The following PCDHGA2 variants were observed in gnomAD, a reference collection of about 807,000 sequenced individuals.
PCDHGA2 encodes the protein protocadherin gamma subfamily A, 2.
Under a neutral mutation model 59.2 loss-of-function variants are expected in PCDHGA2, and 40 were observed. The ratio of observed to expected loss-of-function variants is 0.68; its 90% confidence interval spans 0.52 to 0.88. The LOEUF (loss-of-function observed/expected upper bound fraction) is 0.88. Ranked by LOEUF, PCDHGA2 falls within the 40% of genes least tolerant of loss-of-function variation. The pLI is 0.00. For missense variants in PCDHGA2, 1,226 were observed against 1,204.0 expected (o/e 1.02, Z -0.27); for synonymous variants, 560 against 526.0 (o/e 1.06, Z -0.89).
At chr5:141,448,305 A>C (rs910461420) in intron 1 of PCDHGA2, among the ~76,000 whole-genome samples, 1 of 152,092 alleles carries the variant, frequency 6.6e-6, no homozygotes, top group East Asian at 1.9e-4. Context: ...TTAATATCTC[A>C]AGGAATCTTT....
rs149553852 is a variant in PCDHGA2 at position 141,415,009 on chromosome 5, C to G, written c.2424+73614C>G. 3.1e-6 allele frequency: 5 copies of G among 1,613,544 alleles called. No homozygotes were observed. The East Asian group carries it at 1.1e-4, about 36-fold the overall frequency. On this transcript the variant is annotated intron_variant, in intron 1 of 3. Transcript: ENST00000394576. The stretch of plus-strand genomic sequence containing the variant: ...CCAGAACGCCTGGCTGTCCTACCGT[C>G]TGCTCAAGGCCAGCGAGCCGGGACT...
At chr5:141,355,278 C>A in intron 1 of PCDHGA2, 1 of 1,613,742 alleles carries the variant, frequency 6.2e-7, no homozygotes, top group Non-Finnish European at 8.5e-7. Flanking sequence ...TGGTGGAAAT[C>A]AGGGCCGAAC....
intron 1 of PCDHGA2, chr5:141,421,290 G>C (rs2096561632): frequency 6.2e-7 from 1 of 1,613,130 alleles, no homozygotes; most frequent in African/African-American, 1.3e-5. Flanking sequence ...GCATTTTCCT[G>C]GGGACGCTGC....
At chr5:141,375,026 T>C in intron 1 of PCDHGA2, 2 of 1,614,030 alleles carry the variant, frequency 1.2e-6, no homozygotes, top group Non-Finnish European at 1.7e-6. Context: ...CTCGAGTTTT[T>C]ATGAGCTGGG....
chr5:141,406,294 G>C (rs1399208737), intron 1 of PCDHGA2, among the ~76,000 whole-genome samples: 1 of 151,910 alleles, frequency 6.6e-6, no homozygotes, highest in East Asian at 1.9e-4. Flanking sequence ...CACTGGGTGA[G>C]GTGTGAACCA....
chr5:141,490,604 A>T lies in PCDHGA2; in HGVS notation c.2425-4203A>T, dbSNP rs749528675. ...GTCAATGACAATGCACCCCGCTTCA[A>T]CCAGCAGCTTTACACTGCTTACATC... On this transcript the variant is annotated intron_variant, in intron 1 of 3. Transcript: ENST00000394576. The surrounding 1 kb of genome is among the most constrained non-coding windows in gnomAD (Gnocchi z 5.4). 6.2e-7 allele frequency: 1 copy of T among 1,614,192 alleles called. No homozygotes were observed. The highest frequency in any genetic ancestry group is 8.5e-7 in the Non-Finnish European group (1 of 1,180,022).
chr5:141,431,194 T>C lies in PCDHGA2; in HGVS notation c.2425-63613T>C. On this transcript the variant is annotated intron_variant, in intron 1 of 3. Coordinates refer to ENST00000394576, the MANE Select transcript of PCDHGA2 (RefSeq NM_018915.4). The surrounding 1 kb of genome is among the most constrained non-coding windows in gnomAD (Gnocchi z 4.8). ...AATTAGAAATAAAAATTAGTGAAAA[T>C]GCAGCCACTGAGATGCGGTTCCCTC... The C allele has an allele frequency of 6.2e-7, 1 of 1,614,124 alleles. No homozygotes were observed.
At chr5:141,387,739 C>T (rs182945836) in intron 1 of PCDHGA2, 1 of 1,328,598 alleles carries the variant, frequency 7.5e-7, no homozygotes, top group East Asian at 2.5e-5. Context: ...AGCCTTTACA[C>T]CGCTTCCTCC....
chr5:141,342,565 T>A (rs919342971), intron 1 of PCDHGA2: 20 of 152,228 alleles, frequency 1.3e-4, no homozygotes, highest in Admixed American at 1.2e-3. Context: ...TGAGACAAGG[T>A]GTTGTTTTGG....
At chr5:141,370,714 A>G in intron 1 of PCDHGA2, 1 of 1,613,830 alleles carries the variant, frequency 6.2e-7, no homozygotes, top group Non-Finnish European at 8.5e-7. Flanking sequence ...CTGGAATTTG[A>G]AATGGTTGCT....
intron 1 of PCDHGA2, among the ~76,000 whole-genome samples, chr5:141,372,994 C>T (rs1769242152): frequency 6.6e-6 from 1 of 152,146 alleles, no homozygotes; most frequent in South Asian, 2.1e-4. Flanking sequence ...TGCAGTTGTT[C>T]TTTCATAGAA....
At chr5:141,399,237 A>C in intron 1 of PCDHGA2, 1 of 1,614,002 alleles carries the variant, frequency 6.2e-7, no homozygotes, top group Non-Finnish European at 8.5e-7. Flanking sequence ...TACATGACCA[A>C]GATTCTGGGG....
At position 141,431,389 on chromosome 5, in the gene PCDHGA2, G is replaced by A; in HGVS notation, c.2425-63418G>A. 2 of 1,613,876 alleles carry A rather than the reference G, an allele frequency of 1.2e-6. No individual in the cohort carries two copies. The highest frequency in any genetic ancestry group is 1.7e-6 in the Non-Finnish European group (2 of 1,180,040). ...GCGAAGAAAAGGCTGCTCACCACCT[G>A]GTCCTTACGGCCTCCGACGGGGGCG... On this transcript the variant is annotated intron_variant, in intron 1 of 3. Coordinates refer to ENST00000394576, the MANE Select transcript of PCDHGA2 (RefSeq NM_018915.4). This position sits in a 1 kb window ranked among gnomAD's most constrained non-coding sequence, Gnocchi z 4.8.
intron 1 of PCDHGA2, chr5:141,396,605 G>A (rs2093403616): frequency 6.6e-6 from 1 of 151,594 alleles, no homozygotes; most frequent in Non-Finnish European, 1.5e-5. Flanking sequence ...GGGCAACAGG[G>A]TGAGACTCCG....
intron 1 of PCDHGA2, among the ~76,000 whole-genome samples, chr5:141,463,024 A>G (rs2099051235): frequency 6.6e-6 from 1 of 152,070 alleles, no homozygotes; most frequent in South Asian, 2.1e-4. Context: ...GACTTTTTTG[A>G]TTAATCTGAG....
chr5:141,356,985 CAG>C, intron 1 of PCDHGA2: 1 of 1,614,208 alleles, frequency 6.2e-7, no homozygotes, highest in Non-Finnish European at 8.5e-7. Context: ...TGGCAGTGGA[CAG>C]AGACTCAGGT....
At chr5:141,371,130 A>G (rs1055242827) in intron 1 of PCDHGA2, 3 of 1,614,014 alleles carry the variant, frequency 1.9e-6, no homozygotes, top group East Asian at 2.2e-5. Context: ...TACTCAGGAC[A>G]TGTACAGGGT....
At chr5:141,360,905 C>T (rs368319132) in intron 1 of PCDHGA2, 199 of 1,613,890 alleles carry the variant, frequency 1.2e-4, no homozygotes, top group Middle Eastern at 3.3e-4. Context: ...GACGTGCCGC[C>T]GGGCTTCTTT....
chr5:141,500,430 C>T (rs2099800127), intron 2 of PCDHGA2, among the ~76,000 whole-genome samples: 1 of 151,676 alleles, frequency 6.6e-6, no homozygotes, highest in African/African-American at 2.4e-5. Context: ...AGGATGGTCT[C>T]GATCTCCTGA....
Sources: gnomAD v4.1 joint callset for allele counts (sites outside exome capture counted in the v4.1 genomes callset) on GRCh38, gnomAD v4.1.1 for gene constraint, Gnocchi (gnomAD v3.1) non-coding constraint, MANE v1.5 for transcripts, NCBI Gene and HGNC (gene_info 2026-07-23, HGNC 2026-07-21) for gene names.